The following PRSS56 variants were observed in gnomAD, a reference collection of about 807,000 sequenced individuals.
PRSS56 encodes serine protease 56.
PRSS56 carries 55 observed loss-of-function variants against 66.8 expected under a neutral mutation model. The observed-to-expected ratio is 0.82, with a 90% CI of 0.66 to 1.03. The LOEUF (loss-of-function observed/expected upper bound fraction) is 1.03. PRSS56 is among the 50% of genes least tolerant of loss of function. The probability of loss-of-function intolerance (pLI) is 0.00; values close to 1 mark genes in which losing one functional copy is unlikely to be tolerated. For synonymous variants in PRSS56, 409 were observed against 387.9 expected, an observed-to-expected ratio of 1.05 and a Z score of -0.64; for missense variants, 869 against 837.2, an observed-to-expected ratio of 1.04 and a Z score of -0.47.
In PRSS56 at chr2:232,522,740, G is replaced by T. The variant is rs1423665742; in HGVS notation, c.585G>T (p.Val195=). 5.2e-6 allele frequency: 8 copies of T among 1,533,628 alleles called. No homozygotes were observed. The change falls in exon 6 of 13, where the codon GTG becomes GTT. Residue 195 remains valine (V), a synonymous_variant. Coordinates refer to ENST00000617714, the MANE Select transcript of PRSS56 (RefSeq NM_001195129.2). ...CCTTCCACAACGACCTGGCCCTGGT[G>T]CAGCTGTGGACGCCGGTGAGCCCGG... ...PRTFHNDLAL[V]QLWTPVSPGG...
In PRSS56 at chr2:232,522,782, C is replaced by A; in HGVS notation, c.627C>A (p.Pro209=). The A allele has an allele frequency of 6.6e-7, 1 of 1,520,002 alleles. No individual in the cohort carries two copies. Among genetic ancestry groups the A allele is most frequent in the Non-Finnish European group, 8.8e-7 (1 of 1,136,244 alleles). 94.2% of individuals were successfully genotyped at this position (1,520,002 alleles called of 1,614,324 possible). A position where few individuals can be genotyped will look rare whatever the true frequency, so the allele number is the denominator to read the frequency against. The change falls in exon 6 of 13, where the codon CCC becomes CCA. Residue 209 remains proline (P), a synonymous_variant. Transcript: ENST00000617714. The part of the protein sequence containing the change: ...TPVSPGGSAR[P]VCLPQEPQEP... ...TGAGCCCGGGGGGATCGGCGCGCCCCGTGTGCCTGCCCCAGGAGCCCCAGG... is the reference window on the plus strand; with the variant it reads ...TGAGCCCGGGGGGATCGGCGCGCCCAGTGTGCCTGCCCCAGGAGCCCCAGG...
chr2:232,524,599 G>A (rs549760592), intron 11 of PRSS56, 139 bp from the exon 12 acceptor site: 159 of 726,252 alleles, frequency 2.2e-4, no homozygotes, highest in South Asian at 1.6e-3. Flanking sequence ...TAACTTCTCC[G>A]AGCCTCAGTT....
Position 232,524,180 on chromosome 2 carries a change from C to A in PRSS56, c.1328C>A (p.Ala443Asp), listed in dbSNP as rs1342191426. The change falls in exon 10 of 13, where the codon GCC becomes GAC. Residue 443 changes from alanine to aspartate, a missense_variant. Physicochemically the swap from Ala to Asp is moderately radical, Grantham distance 126. Transcript: ENST00000617714. ...PALRESPLHPARELRLHSGSR... is the reference protein window; with the variant it reads ...PALRESPLHPDRELRLHSGSR... ...CTCAGGGAGTCTCCTCTGCACCCCG[C>A]CCGGGAGCTGCGGCTTCACTCAGGT... The A allele has an allele frequency of 6.5e-7, 1 of 1,529,274 alleles. No individual in the cohort carries two copies. Among genetic ancestry groups the A allele is most frequent in the Non-Finnish European group, 8.7e-7 (1 of 1,143,244 alleles). 94.7% of individuals were successfully genotyped at this position (1,529,274 alleles called of 1,614,324 possible).
chr2:232,522,658 C>T (rs750561047), intron 5 of PRSS56, 44 bp downstream of exon 5: 3 of 1,532,522 alleles, frequency 2.0e-6, no homozygotes, highest in South Asian at 2.4e-5. Context: ...GCACCGCACC[C>T]CCACCCGTGC....
In PRSS56 at chr2:232,523,754, CT is replaced by C. The variant is rs1559289929; in HGVS notation, c.1013-17del. On this transcript the variant is annotated splice_polypyrimidine_tract_variant and intron_variant, in intron 8 of 12. Transcript: ENST00000617714. ...CCCCAAACAGAGGGTGAGCTGACCC[CT>C]GTCCCGCCCGCAGCAGCCTCCTCCA... 1 of 1,534,014 alleles carries C rather than the reference CT, an allele frequency of 6.5e-7. No homozygotes were observed. The highest frequency in any genetic ancestry group is 8.7e-7 in the Non-Finnish European group (1 of 1,146,698).
In PRSS56 at chr2:232,523,180, CG is replaced by C; in HGVS notation, c.833del (p.Gly278AlafsTer13). 6.7e-7 allele frequency: 1 copy of C among 1,481,840 alleles called. No homozygotes were observed. Among genetic ancestry groups the C allele is most frequent in the Non-Finnish European group, 8.9e-7 (1 of 1,119,774 alleles). 91.8% of individuals were successfully genotyped at this position (1,481,840 alleles called of 1,614,324 possible). ...PSTMLCAGYL[A>X]GGVDSCQGDS... ...ACCATGCTCTGCGCCGGGTACCTGGCGGGGGGCGTTGACTCGTGCCAGGTAT... is the reference window on the plus strand; with the variant it reads ...ACCATGCTCTGCGCCGGGTACCTGGCGGGGGCGTTGACTCGTGCCAGGTAT... On this transcript the variant is annotated frameshift_variant, in exon 7 of 13. Transcript: ENST00000617714. LOFTEE classifies it high-confidence loss of function.
intron 4 of PRSS56, among the ~76,000 whole-genome samples, 152 bp downstream of exon 4, chr2:232,522,312 G>A (rs1266409518): frequency 6.6e-6 from 1 of 152,030 alleles, no homozygotes; most frequent in East Asian, 1.9e-4. Context: ...AAGGCGCCGC[G>A]CCCGCCCCGC....
Position 232,520,407 on chromosome 2 carries a change from G to A in PRSS56, c.-192G>A, listed in dbSNP as rs1266502930. On this transcript the variant is annotated 5_prime_UTR_variant, in exon 1 of 13. Coordinates refer to ENST00000617714, the MANE Select transcript of PRSS56 (RefSeq NM_001195129.2). Reference sequence around the variant, plus strand: ...CCCTGTGGGCTCCTAGGAGTTAAGGGCCAGGTGAGGGCTGACCAGGGAGGC... The same window carrying A: ...CCCTGTGGGCTCCTAGGAGTTAAGGACCAGGTGAGGGCTGACCAGGGAGGC... The A allele has an allele frequency of 1.6e-6, 1 of 628,222 alleles. No individual in the cohort carries two copies. The highest frequency in any genetic ancestry group is 2.9e-6 in the Non-Finnish European group (1 of 345,648). 38.9% of individuals were successfully genotyped at this position (628,222 alleles called of 1,614,324 possible).
chr2:232,521,750 G>C, intron 2 of PRSS56, 66 bp from the exon 3 acceptor site: 7 of 1,469,460 alleles, frequency 4.8e-6, no homozygotes, highest in Non-Finnish European at 6.4e-6. Context: ...AGAGAGGCTC[G>C]GCCCAGCCTG....
At position 232,524,761 on chromosome 2, in the gene PRSS56, C is replaced by T. The variant is rs1397887151; in HGVS notation, c.1438C>T (p.Arg480Ter). The T allele has an allele frequency of 5.2e-6, 8 of 1,530,246 alleles. No individual in the cohort carries two copies. The highest frequency in any genetic ancestry group is 3.9e-5 in the Admixed American group (2 of 50,804). The allele number at this position is 1,530,246 out of a possible 1,614,324, so 94.8% of individuals were successfully genotyped here. ...AGGCTGCCCTGGGCTGGAGCCCCTG[C>T]GACAGAAGTTGGCTGCCCTGCAGGG... The part of the protein sequence containing the change: ...ANGCPGLEPL[R>*]QKLAALQGAH... The change falls in exon 12 of 13, where the codon CGA becomes TGA. Residue 480 changes from arginine to a stop codon, truncating the protein, a stop_gained. Transcript: ENST00000617714. LOFTEE classifies it high-confidence loss of function.
At chr2:232,522,246 G>A in intron 4 of PRSS56, 86 bp downstream of exon 4, 2 of 1,251,864 alleles carry the variant, frequency 1.6e-6, no homozygotes, top group South Asian at 1.9e-5. Context: ...GCGACGCGCG[G>A]GAAAGGTGGT....
intron 2 of PRSS56, 58 bp from the exon 3 acceptor site, chr2:232,521,758 C>T: frequency 6.6e-7 from 1 of 1,506,496 alleles, no homozygotes; most frequent in Non-Finnish European, 8.9e-7. Context: ...TCGGCCCAGC[C>T]TGGGGTGAGG....
intron 12 of PRSS56, 133 bp downstream of exon 12, chr2:232,524,977 T>TA (rs886517428): frequency 1.3e-6 from 1 of 789,382 alleles, no homozygotes; most frequent in African/African-American, 2.0e-5. Flanking sequence ...GCTCTGGGGG[T>TA]AGGTAGAGGG....
In PRSS56 at chr2:232,522,629, C is replaced by T; in HGVS notation, c.546+15C>T. 5.2e-6 allele frequency: 8 copies of T among 1,533,870 alleles called. No homozygotes were observed. The highest frequency in any genetic ancestry group is 7.0e-6 in the Non-Finnish European group (8 of 1,145,478). ...CCCACCCCAAGGTGAGAAGGCAGTC[C>T]CCAGGCCCCCAAGGCTGGGCACCGC... On this transcript the variant is annotated intron_variant, in intron 5 of 12. Coordinates refer to ENST00000617714, the MANE Select transcript of PRSS56 (RefSeq NM_001195129.2).
rs909186293 is a variant in PRSS56 at position 232,523,818 on chromosome 2, C to A, written c.1059C>A (p.Asp353Glu). 8 of 1,531,092 alleles carry A rather than the reference C, an allele frequency of 5.2e-6. No individual in the cohort carries two copies. The highest frequency in any genetic ancestry group is 2.5e-5 in the East Asian group (1 of 40,714). The allele number at this position is 1,531,092 out of a possible 1,614,324, so 94.8% of individuals were successfully genotyped here. A position where few individuals can be genotyped will look rare whatever the true frequency, so the allele number is the denominator to read the frequency against. Reference sequence around the variant, plus strand: ...GCTGCAGGGAGCTTCTGGCCTGGGACCCCCCCCAGGAGCTGCAGGCAGACG... The same window carrying A: ...GCTGCAGGGAGCTTCTGGCCTGGGAACCCCCCCAGGAGCTGCAGGCAGACG... Reference protein sequence around the residue: ...EPSCRELLAWDPPQELQADAA... With the variant: ...EPSCRELLAWEPPQELQADAA... Residue 353 changes from aspartate to glutamate, a missense_variant, in exon 9 of 13, where the codon GAC (aspartate) becomes GAA (glutamate). Around this residue, in one of 3 missense-constraint regions of PRSS56, gnomAD observed 551 missense variants for 506.9 expected, o/e 1.09. Coordinates refer to ENST00000617714, the MANE Select transcript of PRSS56 (RefSeq NM_001195129.2).
intron 12 of PRSS56, among the ~76,000 whole-genome samples, 157 bp downstream of exon 12, chr2:232,525,001 G>T (rs1691389462): frequency 1.3e-5 from 2 of 151,498 alleles, no homozygotes; most frequent in South Asian, 4.2e-4. Context: ...GAGGGGAAGG[G>T]AGTGGGGCCT....
chr2:232,521,317 G>A lies in PRSS56; in HGVS notation c.98-4G>A. On this transcript the variant is annotated splice_polypyrimidine_tract_variant and splice_region_variant and intron_variant, in intron 1 of 12. Transcript: ENST00000617714. ...GCATGATTGTGTGCCCCCTGTCCCA[G>A]CAGTTCTGTCGGCCCAGGGGACTCA... is the stretch of plus-strand genomic sequence containing the variant. 3 of 1,534,286 alleles carry A rather than the reference G, an allele frequency of 2.0e-6. No homozygotes were observed. Among genetic ancestry groups the A allele is most frequent in the African/African-American group, 2.7e-5 (2 of 73,136 alleles).
Position 232,525,647 on chromosome 2 carries a change from C to G in PRSS56, c.*141C>G. 1 of 595,488 alleles carries G rather than the reference C, an allele frequency of 1.7e-6. No homozygotes were observed. The highest frequency in any genetic ancestry group is 2.7e-6 in the Non-Finnish European group (1 of 365,216). 36.9% of individuals were successfully genotyped at this position (595,488 alleles called of 1,614,324 possible). A position where few individuals can be genotyped will look rare whatever the true frequency, so the allele number is the denominator to read the frequency against. On this transcript the variant is annotated 3_prime_UTR_variant, in exon 13 of 13. Transcript: ENST00000617714. ...GATGGGGTGGGGGTCCTGGGCCCCC[C>G]GTGTCTTCCCAGGTTTACAATCAGA... is the stretch of plus-strand genomic sequence containing the variant.
intron 12 of PRSS56, 149 bp from the exon 13 acceptor site, chr2:232,525,067 G>T (rs560979121): frequency 1.2e-6 from 1 of 815,592 alleles, no homozygotes; most frequent in Non-Finnish European, 1.9e-6. Flanking sequence ...GTAGAGGGGT[G>T]GGTGGGAGTG....
Sources: allele counts gnomAD v4.1 joint callset (sites outside exome capture counted in the v4.1 genomes callset), GRCh38; gene constraint gnomAD v4.1.1; regional missense constraint gnomAD v4.1.1; transcripts MANE v1.5; gene names NCBI Gene and HGNC (gene_info 2026-07-23, HGNC 2026-07-21).